Variants in BCO1 observed in about 807,000 individuals in gnomAD.
BCO1 encodes the protein beta,beta-carotene 15,15'-dioxygenase.
In BCO1, 54 loss-of-function variants were observed where a neutral mutation model predicts 56.3. The observed-to-expected ratio is 0.96, with a 90% CI of 0.77 to 1.20. BCO1 has a LOEUF of 1.20. BCO1 is among the 50% of genes most tolerant of loss of function. The pLI, the probability that BCO1 is intolerant of heterozygous loss-of-function variation, is 0.00. For missense variants in BCO1, 801 were observed against 690.9 expected (o/e 1.16, Z -1.79); for synonymous variants, 318 against 266.1 (o/e 1.20, Z -1.90).
chr16:81,264,883 G>T, intron 5 of BCO1, 96 bp downstream of exon 5: 1 of 1,394,008 alleles, frequency 7.2e-7, no homozygotes, highest in East Asian at 2.3e-5. Flanking sequence ...GATCCAGTGT[G>T]GTACTTTCTC....
chr16:81,273,018 G>C (rs1392908001), intron 7 of BCO1, among the ~76,000 whole-genome samples: 2 of 152,060 alleles, frequency 1.3e-5, no homozygotes, highest in Non-Finnish European at 2.9e-5. Flanking sequence ...CACCCAGGCT[G>C]GAGTGCAGTG....
At position 81,238,808 on chromosome 16, in the gene BCO1, G is replaced by A; in HGVS notation, c.-101G>A. ...GAGATGTGAAGGAGGGAAGGAGCAGGAGAGCAGGAAGGAAACGCAGGAGGA... is the reference window on the plus strand; with the variant it reads ...GAGATGTGAAGGAGGGAAGGAGCAGAAGAGCAGGAAGGAAACGCAGGAGGA... On this transcript the variant is annotated 5_prime_UTR_variant, in exon 1 of 11. Transcript: ENST00000258168. 4.0e-6 allele frequency: 4 copies of A among 1,006,090 alleles called. No individual in the cohort carries two copies. The highest frequency in any genetic ancestry group is 6.3e-6 in the Non-Finnish European group (4 of 629,944). The allele number at this position is 1,006,090 out of a possible 1,614,324, so 62.3% of individuals were successfully genotyped here. A position where few individuals can be genotyped will look rare whatever the true frequency, so the allele number is the denominator to read the frequency against.
rs976046820 is a variant in BCO1, at chr16:81,265,627, C to T, written c.619+840C>T. 1.5e-4 allele frequency among the ~76,000 whole-genome samples: 22 copies of T among 150,670 alleles called. 1 individual carries two copies. The East Asian group carries it at 2.4e-3, about 16-fold the overall frequency. ...ATCCATCCATCCACCCACCCATCCA[C>T]CATCCATCCATTCATCCATCCACCC... On this transcript the variant is annotated intron_variant, in intron 5 of 10. Transcript: ENST00000258168.
chr16:81,276,939 T>A (rs1597371138), intron 7 of BCO1, among the ~76,000 whole-genome samples: 2 of 151,414 alleles, frequency 1.3e-5, no homozygotes, highest in Admixed American at 6.6e-5. Flanking sequence ...TGGTGGCTCA[T>A]GCCTGTAACC....
intron 2 of BCO1, among the ~76,000 whole-genome samples, chr16:81,247,165 T>A (rs1274768954): frequency 1.3e-5 from 2 of 152,188 alleles, no homozygotes; most frequent in African/African-American, 4.8e-5. Context: ...CAGATTTGTG[T>A]CCAAATGCTC....
At chr16:81,243,203 C>T (rs528399292) in intron 1 of BCO1, among the ~76,000 whole-genome samples, 3 of 152,254 alleles carry the variant, frequency 2.0e-5, no homozygotes, top group African/African-American at 7.2e-5. Context: ...ACCCCCTGAA[C>T]TGTACATTTT....
intron 7 of BCO1, among the ~76,000 whole-genome samples, chr16:81,271,540 C>T (rs900265286): frequency 6.6e-6 from 1 of 152,162 alleles, no homozygotes; most frequent in African/African-American, 2.4e-5. Flanking sequence ...TTAGCCATCA[C>T]CTCCTAGTCT....
At chr16:81,261,021 A>C (rs1422616458) in intron 3 of BCO1, among the ~76,000 whole-genome samples, 1 of 152,226 alleles carries the variant, frequency 6.6e-6, no homozygotes. Context: ...CATCTCTCCC[A>C]TTCCAGTATC....
At chr16:81,259,448 C>A (rs534365196) in intron 2 of BCO1, among the ~76,000 whole-genome samples, 1 of 151,928 alleles carries the variant, frequency 6.6e-6, no homozygotes, top group Non-Finnish European at 1.5e-5. Context: ...GAGCCGAGAT[C>A]GCACCATTAT....
intron 2 of BCO1, among the ~76,000 whole-genome samples, chr16:81,247,110 A>G (rs1335937821): frequency 6.6e-6 from 1 of 152,176 alleles, no homozygotes; most frequent in Non-Finnish European, 1.5e-5. Flanking sequence ...CGAGTTCTTA[A>G]AGAGGTCCAG....
In BCO1 at chr16:81,290,481, A is replaced by T. The variant is rs780913495; in HGVS notation, c.1548A>T (p.Leu516Phe). ...ATATGCACATGGATCTCCATGGATTATTCATTACAGACATGGACTGGGACA... is the reference window on the plus strand; with the variant it reads ...ATATGCACATGGATCTCCATGGATTTTTCATTACAGACATGGACTGGGACA... ...DVDMHMDLHG[L>F]FITDMDWDTK... The change falls in exon 11 of 11, where the codon TTA (leucine) becomes TTT (phenylalanine). Residue 516 changes from leucine to phenylalanine, a missense_variant. Transcript: ENST00000258168. 4.1e-5 allele frequency: 66 copies of T among 1,614,016 alleles called. No individual in the cohort carries two copies. The highest frequency in any genetic ancestry group is 1.6e-4 in the Middle Eastern group (1 of 6,084).
chr16:81,272,741 G>C (rs1907313089), intron 7 of BCO1, among the ~76,000 whole-genome samples: 1 of 152,220 alleles, frequency 6.6e-6, no homozygotes, highest in Non-Finnish European at 1.5e-5. Flanking sequence ...AATGTTGATG[G>C]CTTACATTGA....
chr16:81,262,553 T>C (rs1906554043), intron 4 of BCO1: 1 of 422,580 alleles, frequency 2.4e-6, no homozygotes, highest in Non-Finnish European at 4.5e-6. Flanking sequence ...ATTGGCTGGG[T>C]GTGGTGACCT....
intron 10 of BCO1, among the ~76,000 whole-genome samples, chr16:81,288,533 G>A (rs1489747564): frequency 6.6e-6 from 1 of 152,188 alleles, no homozygotes; most frequent in Non-Finnish European, 1.5e-5. Context: ...CCAAAGTGCT[G>A]GGATTACAGG....
Position 81,262,268 on chromosome 16 carries a change from G to A in BCO1, c.456G>A (p.Leu152=). 1 of 1,613,518 alleles carries A rather than the reference G, an allele frequency of 6.2e-7. No individual in the cohort carries two copies. Among genetic ancestry groups the A allele is most frequent in the Non-Finnish European group, 8.5e-7 (1 of 1,179,618 alleles). The change falls in exon 4 of 11, where the codon CTG becomes CTA. Residue 152 remains leucine (L), a synonymous_variant. Coordinates refer to ENST00000258168, the MANE Select transcript of BCO1 (RefSeq NM_017429.3). ...NYIRKINPQT[L]ETLEKVDYRK... ...TCAGGAAAATCAACCCACAGACTCT[G>A]GAAACCCTGGAGAAGGTATCAACAC... is the stretch of plus-strand genomic sequence containing the variant.
chr16:81,270,258 G>C lies in BCO1; in HGVS notation c.943G>C (p.Glu315Gln). ...VVFHHVNAYE[E>Q]DGCIVFDVIA... Reference sequence around the variant, plus strand: ...CTTCCATCACGTCAACGCCTACGAAGAGGACGGCTGCATCGTGTTTGACGT... The same window carrying C: ...CTTCCATCACGTCAACGCCTACGAACAGGACGGCTGCATCGTGTTTGACGT... The change falls in exon 7 of 11, where the codon GAG (glutamate) becomes CAG (glutamine). Residue 315 changes from glutamate to glutamine, a missense_variant. Coordinates refer to ENST00000258168, the MANE Select transcript of BCO1 (RefSeq NM_017429.3). 1 of 1,614,168 alleles carries C rather than the reference G, an allele frequency of 6.2e-7. No homozygotes were observed. The highest frequency in any genetic ancestry group is 1.1e-5 in the South Asian group (1 of 91,086).
At chr16:81,241,229 C>G (rs1274254914) in intron 1 of BCO1, among the ~76,000 whole-genome samples, 1 of 152,008 alleles carries the variant, frequency 6.6e-6, no homozygotes, top group East Asian at 1.9e-4. Context: ...ATGAGAATCA[C>G]TTGAACCCAG....
intron 8 of BCO1, among the ~76,000 whole-genome samples, chr16:81,282,495 T>G (rs896753458): frequency 2.6e-5 from 4 of 152,168 alleles, no homozygotes; most frequent in Admixed American, 2.6e-4. Flanking sequence ...GGGACTCTTT[T>G]AGGATGACCC....
At position 81,290,442 on chromosome 16, in the gene BCO1, C is replaced by T; in HGVS notation, c.1509C>T (p.Ala503=). 6.2e-7 allele frequency: 1 copy of T among 1,614,206 alleles called. No individual in the cohort carries two copies. Among genetic ancestry groups the T allele is most frequent in the Non-Finnish European group, 8.5e-7 (1 of 1,180,046 alleles). ...AAAGCTTTACGGAATTGGCCCGTGCCTCTGTTGATGTCGATATGCACATGG... is the reference window on the plus strand; with the variant it reads ...AAAGCTTTACGGAATTGGCCCGTGCTTCTGTTGATGTCGATATGCACATGG... ...DAKSFTELAR[A]SVDVDMHMDL... is the part of the protein sequence containing the mutation. Residue 503 remains alanine (A), a synonymous_variant, in exon 11 of 11, where the codon GCC becomes GCT. Coordinates refer to ENST00000258168, the MANE Select transcript of BCO1 (RefSeq NM_017429.3).
Sources: allele counts gnomAD v4.1 joint callset (sites outside exome capture counted in the v4.1 genomes callset), GRCh38; gene constraint gnomAD v4.1.1; transcripts MANE v1.5; gene names NCBI Gene and HGNC (gene_info 2026-07-23, HGNC 2026-07-21).